Variants in SPATC1 observed in about 807,000 individuals in gnomAD.
The protein encoded by SPATC1 is spermatogenesis and centriole associated 1, also known as speriolin.
In SPATC1, 35 loss-of-function variants were observed where a neutral mutation model predicts 36.5. That is an observed-to-expected ratio of 0.96 (90% confidence interval 0.73 to 1.27). The LOEUF is 1.27. Ranked by LOEUF, SPATC1 falls within the 50% of genes most tolerant of loss-of-function variation. SPATC1 has a pLI of 0.00. For missense variants in SPATC1, 779 were observed against 796.0 expected, an observed-to-expected ratio of 0.98 and a Z score of 0.26; for synonymous variants, 361 against 353.6, an observed-to-expected ratio of 1.02 and a Z score of -0.24.
intron 4 of SPATC1, chr8:144,042,111 A>C: frequency 4.7e-6 from 3 of 643,064 alleles, no homozygotes; most frequent in Non-Finnish European, 5.8e-6. Context: ...TACCCAGCTC[A>C]CTGCAACCTC....
Position 144,019,403 on chromosome 8 carries a change from G to A in SPATC1, c.211+6677G>A, listed in dbSNP as rs990873425. On this transcript the variant is annotated intron_variant, in intron 1 of 4. Transcript: ENST00000377470. ...GAGTGATCTCTGCCCAAGACAGAAGGTACAACTGTGTGGTCAGAGTGGGTA... is the reference window on the plus strand; with the variant it reads ...GAGTGATCTCTGCCCAAGACAGAAGATACAACTGTGTGGTCAGAGTGGGTA... 8.9e-4 allele frequency among the ~76,000 whole-genome samples: 136 copies of A among 152,314 alleles called. No individual in the cohort carries two copies. The East Asian group carries it at 0.026, about 29-fold the overall frequency.
At position 144,016,615 on chromosome 8, in the gene SPATC1, GTTTGTTTGTTTT is replaced by G. The variant is rs782062991; in HGVS notation, c.211+3901_211+3912del. Among the ~76,000 whole-genome samples the G allele has an allele frequency of 4.0e-5, 6 of 151,834 alleles. No homozygotes were observed. The highest frequency in any genetic ancestry group is 7.4e-5 in the Non-Finnish European group (5 of 67,946). The stretch of plus-strand genomic sequence containing the variant: ...AGACACTGATGGTTTTTGTTTGTTT[GTTTGTTTGTTTT>G]TTTGTTTGTTTGTTTTTGAGACAGA... On this transcript the variant is annotated intron_variant, in intron 1 of 4. Coordinates refer to ENST00000377470, the MANE Select transcript of SPATC1 (RefSeq NM_198572.3). The surrounding 1 kb of genome is among the most constrained non-coding windows in gnomAD (Gnocchi z 4.5).
At chr8:144,038,639 T>A (rs1437939283) in intron 1 of SPATC1, among the ~76,000 whole-genome samples, 1 of 151,904 alleles carries the variant, frequency 6.6e-6, no homozygotes, top group Non-Finnish European at 1.5e-5. Flanking sequence ...CAGGCCCAGC[T>A]AATTTTTGTG....
In SPATC1 at chr8:144,026,548, C is replaced by G. The variant is rs1302419909; in HGVS notation, c.212-13361C>G. Among the ~76,000 whole-genome samples, 5 of 152,312 alleles carry G rather than the reference C, an allele frequency of 3.3e-5. No individual in the cohort carries two copies. In the East Asian group the frequency reaches 9.6e-4, roughly 29 times the overall value. ...CAGATTGTTTTTCAAAGCCGCCGCA[C>G]CATTTCACATTCCCACCAGAAACGT... On this transcript the variant is annotated intron_variant, in intron 1 of 4. Coordinates refer to ENST00000377470, the MANE Select transcript of SPATC1 (RefSeq NM_198572.3).
chr8:144,021,302 C>G (rs1229697777), intron 1 of SPATC1, among the ~76,000 whole-genome samples: 1 of 143,192 alleles, frequency 7.0e-6, no homozygotes, highest in African/African-American at 2.6e-5. Context: ...CCTCAGGACC[C>G]TCTTCCCTCA....
intron 1 of SPATC1, among the ~76,000 whole-genome samples, chr8:144,034,177 G>A (rs1017879752): frequency 5.3e-5 from 8 of 152,190 alleles, no homozygotes; most frequent in East Asian, 1.9e-4. Flanking sequence ...CTGGGGAGGC[G>A]CATGTTGTAG....
intron 1 of SPATC1, among the ~76,000 whole-genome samples, chr8:144,037,956 T>A (rs879988927): frequency 4.2e-5 from 6 of 144,254 alleles, no homozygotes; most frequent in Non-Finnish European, 9.1e-5. Context: ...GGTGAAACCC[T>A]GTCTCTCCTA....
At chr8:144,042,859 T>C (rs534121524) in intron 4 of SPATC1, among the ~76,000 whole-genome samples, 1 of 152,090 alleles carries the variant, frequency 6.6e-6, no homozygotes, top group African/African-American at 2.4e-5. Context: ...ATTGCAATTT[T>C]TTTTAAGATG....
At chr8:144,020,823 T>G (rs1834505592) in intron 1 of SPATC1, among the ~76,000 whole-genome samples, 1 of 144,858 alleles carries the variant, frequency 6.9e-6, no homozygotes, top group African/African-American at 2.6e-5. Flanking sequence ...CAGAACTCTC[T>G]TCTCTCAGGA....
chr8:144,041,985 T>G (rs1045345110), intron 4 of SPATC1: 88 of 985,132 alleles, frequency 8.9e-5, no homozygotes, highest in Non-Finnish European at 1.0e-4. Flanking sequence ...TGTTTTCAGA[T>G]GGACTCTCGC....
In SPATC1 at chr8:144,047,109, C is replaced by T; in HGVS notation, c.*153C>T. ...GCTCACCGGGCCCCGGCACCGTGCC[C>T]CTTCAGCCCTGTCTGCCCTGGAGGT... On this transcript the variant is annotated 3_prime_UTR_variant, in exon 5 of 5. Transcript: ENST00000377470. The surrounding 1 kb of genome is among the most constrained non-coding windows in gnomAD (Gnocchi z 4.1). 1 of 862,798 alleles carries T rather than the reference C, an allele frequency of 1.2e-6. No homozygotes were observed. Among genetic ancestry groups the T allele is most frequent in the Non-Finnish European group, 1.7e-6 (1 of 575,134 alleles). The allele number at this position is 862,798 out of a possible 1,614,324, so 53.4% of individuals were successfully genotyped here.
rs201925917 is a variant in SPATC1, at chr8:144,046,684, C to A, written c.1504C>A (p.Gln502Lys). The part of the protein sequence containing the change: ...LDEKLCQRLT[Q>K]RYVSVMNRLQ... The stretch of plus-strand genomic sequence containing the variant: ...TGAGAAGCTGTGCCAGAGGCTCACA[C>A]AGCGCTATGTGAGCGTCATGAACAG... Residue 502 changes from glutamine (Q) to lysine (K), a missense_variant, in exon 5 of 5, where the codon CAG (glutamine) becomes AAG (lysine). Transcript: ENST00000377470. The surrounding 1 kb of genome is among the most constrained non-coding windows in gnomAD (Gnocchi z 6.6). 243 of 1,612,364 alleles carry A rather than the reference C, an allele frequency of 1.5e-4. No individual in the cohort carries two copies. In the East Asian group the frequency reaches 4.3e-3, roughly 29 times the overall value.
intron 1 of SPATC1, among the ~76,000 whole-genome samples, chr8:144,020,298 C>T (rs1296683042): frequency 3.4e-5 from 5 of 148,218 alleles, no homozygotes; most frequent in African/African-American, 1.0e-4. Context: ...ACCCTCTTCC[C>T]TTGGAAACTT....
chr8:144,023,424 C>T (rs1379783050), intron 1 of SPATC1, among the ~76,000 whole-genome samples: 1 of 135,918 alleles, frequency 7.4e-6, no homozygotes, highest in Non-Finnish European at 1.7e-5. Flanking sequence ...ACCCTCCCCC[C>T]TCAGGACCCT....
At position 144,017,064 on chromosome 8, in the gene SPATC1, G is replaced by A. The variant is rs564558643; in HGVS notation, c.211+4338G>A. On this transcript the variant is annotated intron_variant, in intron 1 of 4. Coordinates refer to ENST00000377470, the MANE Select transcript of SPATC1 (RefSeq NM_198572.3). Reference sequence around the variant, plus strand: ...CAGGGAGATGGATTAGACTGAGGCTGTTGTAGTCCTCCAGGTGGGAGATGA... The same window carrying A: ...CAGGGAGATGGATTAGACTGAGGCTATTGTAGTCCTCCAGGTGGGAGATGA... Among the ~76,000 whole-genome samples the A allele has an allele frequency of 6.6e-5, 10 of 152,330 alleles. 1 individual carries two copies. In the South Asian group the frequency reaches 2.1e-3, roughly 32 times the overall value.
intron 1 of SPATC1, among the ~76,000 whole-genome samples, chr8:144,028,361 A>G (rs1373238680): frequency 5.9e-5 from 4 of 68,290 alleles, no homozygotes; most frequent in African/African-American, 1.1e-4. Flanking sequence ...AATTTACAAG[A>G]AAAAAAAAAA....
At chr8:144,015,599 G>T (rs762717812) in intron 1 of SPATC1, among the ~76,000 whole-genome samples, 1 of 150,746 alleles carries the variant, frequency 6.6e-6, no homozygotes, top group South Asian at 2.1e-4. Flanking sequence ...AAAATCAGCC[G>T]GGTGTGGTGG....
chr8:144,030,347 GTGTA>G (rs1199255905), intron 1 of SPATC1, among the ~76,000 whole-genome samples: 7 of 151,804 alleles, frequency 4.6e-5, no homozygotes, highest in Middle Eastern at 3.4e-3. Context: ...CCACATTGCT[GTGTA>G]TGTATGTATG....
rs1554755681 is a variant in SPATC1, at chr8:144,040,470, G to A, written c.766+7G>A. On this transcript the variant is annotated splice_region_variant and intron_variant, in intron 2 of 4. Transcript: ENST00000377470. ...CCCACTGCCACCACCAAAGGTAACAGGTGTGGTGGGTGGTGGGTGGCAGAG... is the reference window on the plus strand; with the variant it reads ...CCCACTGCCACCACCAAAGGTAACAAGTGTGGTGGGTGGTGGGTGGCAGAG... 6.3e-7 allele frequency: 1 copy of A among 1,583,838 alleles called. No individual in the cohort carries two copies. Among genetic ancestry groups the A allele is most frequent in the Admixed American group, 1.8e-5 (1 of 56,418 alleles).
Sources: allele counts gnomAD v4.1 joint callset (sites outside exome capture counted in the v4.1 genomes callset), GRCh38; gene constraint gnomAD v4.1.1; non-coding constraint Gnocchi (gnomAD v3.1); transcripts MANE v1.5; gene names NCBI Gene and HGNC (gene_info 2026-07-23, HGNC 2026-07-21).